The following TRPM3 variants were observed in gnomAD, a reference collection of about 807,000 sequenced individuals.
The protein encoded by TRPM3 is transient receptor potential cation channel subfamily M member 3, also known as long transient receptor potential channel 3.
Under a neutral mutation model 181.2 loss-of-function variants are expected in TRPM3, and 77 were observed. That is an observed-to-expected ratio of 0.42 (90% CI 0.35 to 0.51). TRPM3 has a LOEUF of 0.51. Ranked by LOEUF, TRPM3 falls within the 20% of genes least tolerant of loss-of-function variation. The pLI is 0.01. For missense variants in TRPM3, 1,759 were observed against 2,196.7 expected, an observed-to-expected ratio of 0.80 and a Z score of 3.98; for synonymous variants, 745 against 796.4, an observed-to-expected ratio of 0.94 and a Z score of 1.09.
At chr9:71,046,937 G>T (rs757793436) in intron 1 of TRPM3, among the ~76,000 whole-genome samples, 2 of 152,108 alleles carry the variant, frequency 1.3e-5, no homozygotes, top group Non-Finnish European at 2.9e-5. Context: ...AACGTAATAA[G>T]CACCAAATAC....
At chr9:70,678,300 C>T (rs956700439) in intron 9 of TRPM3, among the ~76,000 whole-genome samples, 6 of 152,102 alleles carry the variant, frequency 3.9e-5, no homozygotes, top group African/African-American at 7.2e-5. Context: ...GACAGTCTTG[C>T]GCTGTTGCCT....
At chr9:70,835,721 T>C (rs972614272) in intron 5 of TRPM3, among the ~76,000 whole-genome samples, 5 of 152,088 alleles carry the variant, frequency 3.3e-5, no homozygotes, top group African/African-American at 4.8e-5. Flanking sequence ...AATCATCCCA[T>C]TGAAGTATTA....
chr9:71,420,500 G>C lies in TRPM3; in HGVS notation c.183+26153C>G, dbSNP rs538038236. Among the ~76,000 whole-genome samples the C allele has an allele frequency of 2.0e-5, 3 of 148,034 alleles. No homozygotes were observed. The East Asian group carries it at 6.0e-4, about 29-fold the overall frequency. On this transcript the variant is annotated intron_variant, in intron 1 of 24. Coordinates refer to the TRPM3 transcript ENST00000357533. ...AACAGATACCAGAAGAAGCTTTCTC[G>C]CAGCAACAAAGAAAGAAAAAGAGAA... is the stretch of plus-strand genomic sequence containing the variant.
At chr9:71,292,426 T>C (rs890032647) in intron 1 of TRPM3, among the ~76,000 whole-genome samples, 2 of 151,944 alleles carry the variant, frequency 1.3e-5, no homozygotes, top group Non-Finnish European at 2.9e-5. Flanking sequence ...CTCTAAAAAA[T>C]ACTGATTTTT....
chr9:71,207,287 A>C (rs1301937381), intron 1 of TRPM3, among the ~76,000 whole-genome samples: 2 of 152,162 alleles, frequency 1.3e-5, no homozygotes, highest in African/African-American at 4.8e-5. Flanking sequence ...CATCATTTTA[A>C]ATGAGAAAAT....
intron 9 of TRPM3, among the ~76,000 whole-genome samples, chr9:70,681,169 G>C (rs2065335980): frequency 6.6e-6 from 1 of 152,034 alleles, no homozygotes; most frequent in Non-Finnish European, 1.5e-5. Context: ...ATATCAAATG[G>C]TTTTTGAAAG....
chr9:70,701,789 A>G (rs2072658588), intron 8 of TRPM3, among the ~76,000 whole-genome samples: 1 of 152,238 alleles, frequency 6.6e-6, no homozygotes, highest in Non-Finnish European at 1.5e-5. Context: ...AGGTAGGAAT[A>G]GAAGTGAGCT....
intron 1 of TRPM3, among the ~76,000 whole-genome samples, chr9:70,985,124 T>G (rs2134062317): frequency 6.6e-6 from 1 of 152,244 alleles, no homozygotes; most frequent in South Asian, 2.1e-4. Flanking sequence ...TTATTACCTA[T>G]GGGGGTTAGG....
intron 1 of TRPM3, among the ~76,000 whole-genome samples, chr9:70,865,821 T>C (rs114621411): frequency 0.014 from 2,169 of 152,134 alleles, 49 homozygotes; most frequent in African/African-American, 0.05. Flanking sequence ...GTTTCAGTAA[T>C]GGTGAATATC....
At chr9:71,233,804 G>C (rs1471449865) in intron 1 of TRPM3, among the ~76,000 whole-genome samples, 1 of 152,166 alleles carries the variant, frequency 6.6e-6, no homozygotes, top group Non-Finnish European at 1.5e-5. Context: ...TGTCATTCCA[G>C]GCTTGAGATT....
At chr9:70,791,690 A>G (rs944655604) in intron 6 of TRPM3, among the ~76,000 whole-genome samples, 1 of 152,210 alleles carries the variant, frequency 6.6e-6, no homozygotes, top group Non-Finnish European at 1.5e-5. Flanking sequence ...CACTGAAAAT[A>G]TAGAGTTTGG....
At chr9:70,915,595 A>G (rs61601537) in intron 1 of TRPM3, among the ~76,000 whole-genome samples, 21,723 of 151,622 alleles carry the variant, frequency 0.14, 1,930 homozygotes, top group Non-Finnish European at 0.18. Context: ...ATGAGCCACC[A>G]CGCCTGGCCA....
At chr9:71,335,832 A>T (rs1446640367) in intron 1 of TRPM3, among the ~76,000 whole-genome samples, 1 of 152,132 alleles carries the variant, frequency 6.6e-6, no homozygotes, top group Non-Finnish European at 1.5e-5. Flanking sequence ...AAATATCTTT[A>T]ACCCTTTTAC....
chr9:71,112,862 C>T (rs763921547), intron 1 of TRPM3, among the ~76,000 whole-genome samples: 1 of 152,100 alleles, frequency 6.6e-6, no homozygotes, highest in African/African-American at 2.4e-5. Flanking sequence ...TACTTACCTG[C>T]GTTGAGCATT....
At chr9:70,755,000 G>A (rs2076800950) in intron 8 of TRPM3, among the ~76,000 whole-genome samples, 1 of 152,020 alleles carries the variant, frequency 6.6e-6, no homozygotes, top group Non-Finnish European at 1.5e-5. Context: ...TTATTTTCAA[G>A]GCATCTGGTA....
chr9:71,019,945 G>C (rs1053264898), intron 1 of TRPM3, among the ~76,000 whole-genome samples: 2 of 152,120 alleles, frequency 1.3e-5, no homozygotes, highest in Non-Finnish European at 2.9e-5. Context: ...GGAAGGGATA[G>C]TCTTTTAAAG....
chr9:71,019,035 GATA>G (rs1165772371), intron 1 of TRPM3, among the ~76,000 whole-genome samples: 1 of 151,864 alleles, frequency 6.6e-6, no homozygotes, highest in South Asian at 2.1e-4. Context: ...AGATGAGGAT[GATA>G]ATATTAATAT....
chr9:71,044,487 A>T (rs1706290440), intron 1 of TRPM3, among the ~76,000 whole-genome samples: 1 of 152,104 alleles, frequency 6.6e-6, no homozygotes, highest in Non-Finnish European at 1.5e-5. Flanking sequence ...CTTTCACTTT[A>T]GTTCTTTCTA....
chr9:71,436,955 T>C (rs1031669426), intron 1 of TRPM3, among the ~76,000 whole-genome samples: 2 of 152,230 alleles, frequency 1.3e-5, no homozygotes, highest in Non-Finnish European at 2.9e-5. Flanking sequence ...AGTTTGACAA[T>C]ATATTTTTAC....
Sources: gnomAD v4.1 joint callset for allele counts (sites outside exome capture counted in the v4.1 genomes callset) on GRCh38, gnomAD v4.1.1 for gene constraint, MANE v1.5 for transcripts, NCBI Gene and HGNC (gene_info 2026-07-23, HGNC 2026-07-21) for gene names.